Variants in DGKI observed in about 807,000 individuals in gnomAD.
DGKI encodes diacylglycerol kinase iota.
In DGKI, 55 loss-of-function variants were observed where a neutral mutation model predicts 147.5. That is an observed-to-expected ratio of 0.37 (90% CI 0.30 to 0.47). DGKI has a LOEUF of 0.47. DGKI is among the 20% of genes least tolerant of loss of function. The pLI, the probability that DGKI is intolerant of heterozygous loss-of-function variation, is 1.00. For synonymous variants in DGKI, 469 were observed against 477.1 expected (o/e 0.98, Z 0.22); for missense variants, 1,007 against 1,323.8 (o/e 0.76, Z 3.71).
chr7:137,648,586 A>G (rs897611441), intron 5 of DGKI, among the ~76,000 whole-genome samples: 4 of 152,218 alleles, frequency 2.6e-5, no homozygotes, highest in Non-Finnish European at 5.9e-5. Flanking sequence ...CAGGTAGTGG[A>G]TATGCTGGAC....
At chr7:137,716,760 G>T (rs1174761826) in intron 1 of DGKI, among the ~76,000 whole-genome samples, 1 of 152,146 alleles carries the variant, frequency 6.6e-6, no homozygotes, top group Non-Finnish European at 1.5e-5. Context: ...ATCAAGGTAG[G>T]CACCTCCTTT....
chr7:137,543,013 A>G (rs1817753185), intron 20 of DGKI, among the ~76,000 whole-genome samples: 1 of 152,214 alleles, frequency 6.6e-6, no homozygotes, highest in Non-Finnish European at 1.5e-5. Context: ...AATGGAACAC[A>G]TTATTTCATT....
chr7:137,665,013 G>A (rs1049847400), intron 3 of DGKI, among the ~76,000 whole-genome samples: 2 of 136,942 alleles, frequency 1.5e-5, no homozygotes, highest in Admixed American at 6.6e-5. Flanking sequence ...CTAGGCAAAG[G>A]GCACAGCCAT....
chr7:137,517,278 AAAAAG>A (rs1816788411), intron 21 of DGKI, among the ~76,000 whole-genome samples: 1 of 94,246 alleles, frequency 1.1e-5, no homozygotes, highest in South Asian at 4.0e-4. Context: ...GAAAGAAAAG[AAAAAG>A]AAAGAAAGAA....
At chr7:137,520,256 T>G (rs1166240345) in intron 21 of DGKI, among the ~76,000 whole-genome samples, 1 of 152,096 alleles carries the variant, frequency 6.6e-6, no homozygotes, top group Non-Finnish European at 1.5e-5. Flanking sequence ...TGCAAAATAT[T>G]ATTTGAGATC....
chr7:137,411,297 C>T (rs925293660), intron 29 of DGKI, among the ~76,000 whole-genome samples: 1 of 151,816 alleles, frequency 6.6e-6, no homozygotes, highest in Non-Finnish European at 1.5e-5. Context: ...CCAAATATAG[C>T]TTTAGAATAT....
intron 29 of DGKI, among the ~76,000 whole-genome samples, chr7:137,409,627 T>C (rs1447751908): frequency 2.6e-5 from 4 of 152,172 alleles, no homozygotes; most frequent in African/African-American, 9.6e-5. Flanking sequence ...AAGGATATCC[T>C]GTTCCATTCA....
At chr7:137,668,574 T>C (rs544127400) in intron 3 of DGKI, among the ~76,000 whole-genome samples, 64 of 152,344 alleles carry the variant, frequency 4.2e-4, no homozygotes, top group Admixed American at 9.8e-4. Context: ...GTTCAATCAC[T>C]TATCCTCAGT....
intron 1 of DGKI, among the ~76,000 whole-genome samples, chr7:137,725,524 C>T (rs1043539822): frequency 2.0e-5 from 3 of 151,810 alleles, no homozygotes; most frequent in African/African-American, 4.8e-5. Context: ...TGGGAAATGT[C>T]CTCTCAGCAT....
intron 28 of DGKI, among the ~76,000 whole-genome samples, chr7:137,423,421 C>A (rs1460622618): frequency 1.3e-5 from 2 of 152,204 alleles, no homozygotes; most frequent in African/African-American, 4.8e-5. Context: ...CAAGTGTACT[C>A]ATGTTTCACC....
At chr7:137,584,828 T>C (rs1819329275) in intron 14 of DGKI, among the ~76,000 whole-genome samples, 1 of 152,196 alleles carries the variant, frequency 6.6e-6, no homozygotes, top group Admixed American at 6.5e-5. Context: ...AGGCCAGAAA[T>C]CTCAGGAGGT....
intron 1 of DGKI, among the ~76,000 whole-genome samples, chr7:137,706,986 T>C (rs1257119669): frequency 2.0e-5 from 3 of 152,236 alleles, no homozygotes; most frequent in Non-Finnish European, 4.4e-5. Context: ...TGATTATGAA[T>C]GAGAAAGAGC....
intron 1 of DGKI, among the ~76,000 whole-genome samples, chr7:137,744,019 G>A (rs1795255904): frequency 6.7e-6 from 1 of 149,762 alleles, no homozygotes; most frequent in Non-Finnish European, 1.5e-5. Context: ...CCCAAAGCTA[G>A]TAGAAGAAGA....
chr7:137,489,764 T>C (rs1002173611), intron 21 of DGKI, among the ~76,000 whole-genome samples: 7 of 152,244 alleles, frequency 4.6e-5, no homozygotes, highest in African/African-American at 9.6e-5. Flanking sequence ...AAATAGAAAA[T>C]AGATTTTAAT....
chr7:137,436,972 A>T (rs977965240), intron 28 of DGKI, among the ~76,000 whole-genome samples: 5 of 152,228 alleles, frequency 3.3e-5, no homozygotes, highest in Non-Finnish European at 7.3e-5. Context: ...ATTAGAGCGA[A>T]GGAAAAGATC....
chr7:137,777,498 A>G (rs1489365376), intron 1 of DGKI, among the ~76,000 whole-genome samples: 1 of 152,226 alleles, frequency 6.6e-6, no homozygotes, highest in Admixed American at 6.5e-5. Context: ...TAGCTCCCTC[A>G]GTGTTCCTCT....
At chr7:137,457,580 T>C (rs539673761) in intron 27 of DGKI, among the ~76,000 whole-genome samples, 6 of 152,316 alleles carry the variant, frequency 3.9e-5, no homozygotes, top group African/African-American at 1.4e-4. Context: ...ATCTTCTCGA[T>C]ATAGTGATTC....
intron 3 of DGKI, among the ~76,000 whole-genome samples, chr7:137,674,703 C>T (rs1018527264): frequency 6.6e-6 from 1 of 152,208 alleles, no homozygotes; most frequent in Non-Finnish European, 1.5e-5. Context: ...GCTTGCCCCA[C>T]CTCTGAGTCT....
intron 19 of DGKI, among the ~76,000 whole-genome samples, chr7:137,559,713 G>GA (rs555310214): frequency 0.015 from 2,131 of 141,504 alleles, 32 homozygotes; most frequent in Non-Finnish European, 0.024. Flanking sequence ...TGAGAAGCAG[G>GA]AAAAAAAAAA....
Sources: gnomAD v4.1 joint callset for allele counts (sites outside exome capture counted in the v4.1 genomes callset) on GRCh38, gnomAD v4.1.1 for gene constraint, MANE v1.5 for transcripts, NCBI Gene and HGNC (gene_info 2026-07-23, HGNC 2026-07-21) for gene names.